EIF4G3: variants seen among roughly 807,000 people sequenced by gnomAD.
EIF4G3 encodes eukaryotic translation initiation factor 4 gamma 3.
A neutral mutation model predicts 186.4 loss-of-function variants in EIF4G3; 34 were observed. The observed-to-expected ratio is 0.18, with a 90% CI of 0.14 to 0.24. The LOEUF is 0.24. EIF4G3 is among the 10% of genes least tolerant of loss of function. The probability of loss-of-function intolerance (pLI) is 1.00; values close to 1 mark genes in which losing one functional copy is unlikely to be tolerated. For synonymous variants in EIF4G3, 673 were observed against 679.5 expected, an observed-to-expected ratio of 0.99 and a Z score of 0.15; for missense variants, 1,536 against 1,948.5, an observed-to-expected ratio of 0.79 and a Z score of 3.99.
chr1:21,167,993 T>C (rs199929146), intron 2 of EIF4G3: 7 of 468,238 alleles, frequency 1.5e-5, no homozygotes, highest in Non-Finnish European at 3.1e-5. Context: ...CTTTGTAATG[T>C]GCAGTCATAA....
At chr1:20,849,288 G>A (rs1400560692) in intron 29 of EIF4G3, 127 bp downstream of exon 29, 3 of 482,248 alleles carry the variant, frequency 6.2e-6, no homozygotes, top group East Asian at 3.4e-5. Flanking sequence ...ACTGAATTGT[G>A]TAGGACTTGT....
chr1:21,176,679 G>A (rs771614290), intron 1 of EIF4G3, 43 bp downstream of exon 1: 32 of 592,294 alleles, frequency 5.4e-5, no homozygotes, highest in Non-Finnish European at 8.2e-5. Context: ...GACCCCAGGG[G>A]GGGGGCCGGA....
At chr1:21,084,192 T>G (rs951042522) in intron 3 of EIF4G3, among the ~76,000 whole-genome samples, 3 of 150,674 alleles carry the variant, frequency 2.0e-5, no homozygotes, top group African/African-American at 7.3e-5. Context: ...TATTAGTCCA[T>G]TCTCACACTG....
At chr1:20,998,103 T>A (rs2154568558) in intron 6 of EIF4G3, among the ~76,000 whole-genome samples, 1 of 152,092 alleles carries the variant, frequency 6.6e-6, no homozygotes, top group South Asian at 2.1e-4. Context: ...GTAAAAAACG[T>A]AACACAATTA....
At chr1:21,158,933 T>A (rs2097710239) in intron 2 of EIF4G3, among the ~76,000 whole-genome samples, 1 of 151,254 alleles carries the variant, frequency 6.6e-6, no homozygotes, top group African/African-American at 2.4e-5. Context: ...GATCTGCAGG[T>A]CCTAGTACAA....
At chr1:21,048,566 G>T (rs1396401049) in intron 4 of EIF4G3, among the ~76,000 whole-genome samples, 3 of 152,130 alleles carry the variant, frequency 2.0e-5, no homozygotes. Flanking sequence ...ATCAGAGCAA[G>T]ATTTCTGCTT....
At chr1:21,143,617 A>G (rs993033562) in intron 2 of EIF4G3, among the ~76,000 whole-genome samples, 1 of 152,214 alleles carries the variant, frequency 6.6e-6, no homozygotes, top group Admixed American at 6.5e-5. Context: ...AAATTTCATT[A>G]TAATGAACAA....
chr1:21,051,609 T>C (rs578254896), intron 3 of EIF4G3, among the ~76,000 whole-genome samples: 1 of 152,314 alleles, frequency 6.6e-6, no homozygotes, highest in East Asian at 1.9e-4. Flanking sequence ...CCCAGCACTT[T>C]GGGAGGCCAA....
intron 30 of EIF4G3, among the ~76,000 whole-genome samples, chr1:20,835,621 A>T (rs2066518405): frequency 6.6e-6 from 1 of 152,066 alleles, no homozygotes; most frequent in Non-Finnish European, 1.5e-5. Flanking sequence ...AAACAGATAA[A>T]CTCATAGATA....
intron 4 of EIF4G3, among the ~76,000 whole-genome samples, chr1:21,032,898 C>T (rs2092862953): frequency 6.6e-6 from 1 of 152,144 alleles, no homozygotes; most frequent in Non-Finnish European, 1.5e-5. Flanking sequence ...AATTCTTTTC[C>T]TTATGAACTA....
chr1:21,007,413 T>C (rs911909411), intron 4 of EIF4G3, among the ~76,000 whole-genome samples: 2 of 149,068 alleles, frequency 1.3e-5, no homozygotes, highest in Non-Finnish European at 3.0e-5. Flanking sequence ...CAAAAAACTG[T>C]AAGGTAATAC....
In EIF4G3 at chr1:20,875,568, CAT is replaced by C. The variant is rs542423999; in HGVS notation, c.2622+3753_2622+3754del. ...ATGAAGAATTTCAACCCAGAAAGCA[CAT>C]ATGTTAGTCATATTTCAATAAAAAA... On this transcript the variant is annotated intron_variant, in intron 20 of 36. Transcript: ENST00000602326. 5.1e-4 allele frequency among the ~76,000 whole-genome samples: 77 copies of C among 152,268 alleles called. 1 individual carries two copies. Among genetic ancestry groups the C allele is most frequent in the African/African-American group, 1.8e-3 (74 of 41,542 alleles).
intron 27 of EIF4G3, among the ~76,000 whole-genome samples, chr1:20,852,788 T>C (rs1432036858): frequency 1.3e-5 from 2 of 152,146 alleles, no homozygotes; most frequent in African/African-American, 4.8e-5. Flanking sequence ...TGAATCATCA[T>C]GAAAAGCTGC....
At chr1:20,970,363 C>T (rs2075606771) in intron 11 of EIF4G3, among the ~76,000 whole-genome samples, 1 of 152,120 alleles carries the variant, frequency 6.6e-6, no homozygotes, top group Admixed American at 6.5e-5. Flanking sequence ...CCTGTAATCC[C>T]AGCACTTTGG....
At chr1:21,166,510 A>T (rs972560872) in intron 2 of EIF4G3, among the ~76,000 whole-genome samples, 61 of 152,164 alleles carry the variant, frequency 4.0e-4, no homozygotes, top group African/African-American at 1.4e-3. Context: ...AGATCACTTA[A>T]GGTCAGGAGT....
At chr1:21,144,893 G>C (rs1440416076) in intron 2 of EIF4G3, among the ~76,000 whole-genome samples, 1 of 152,012 alleles carries the variant, frequency 6.6e-6, no homozygotes, top group Non-Finnish European at 1.5e-5. Flanking sequence ...CACTAGAAGA[G>C]GTAACGCACG....
intron 19 of EIF4G3, among the ~76,000 whole-genome samples, chr1:20,885,653 ATAAAGGCTT>A (rs1273111512): frequency 6.6e-6 from 1 of 152,234 alleles, no homozygotes; most frequent in Non-Finnish European, 1.5e-5. Flanking sequence ...CAAAAGATAA[ATAAAGGCTT>A]TATATAATCT....
intron 3 of EIF4G3, among the ~76,000 whole-genome samples, chr1:21,086,436 T>C (rs2095982110): frequency 6.6e-6 from 1 of 152,110 alleles, no homozygotes; most frequent in African/African-American, 2.4e-5. Flanking sequence ...TCACTTCATA[T>C]TATGTCATAG....
In EIF4G3 at chr1:20,879,825, G is replaced by C. The variant is rs754908760; in HGVS notation, c.2425-305C>G. ...TATCAAAAGCTTTAAAACTGTGTAT[G>C]TAACCTTTGAACCAGTAATTACACT... On this transcript the variant is annotated intron_variant, in intron 19 of 36. Transcript: ENST00000602326. Among the ~76,000 whole-genome samples, 9 of 152,206 alleles carry C rather than the reference G, an allele frequency of 5.9e-5. No individual in the cohort carries two copies. In the South Asian group the frequency reaches 8.3e-4, roughly 14 times the overall value.
Sources: gnomAD v4.1 joint callset for allele counts (sites outside exome capture counted in the v4.1 genomes callset) on GRCh38, gnomAD v4.1.1 for gene constraint, MANE v1.5 for transcripts, NCBI Gene and HGNC (gene_info 2026-07-23, HGNC 2026-07-21) for gene names.